Variants in ADAM19 observed in about 807,000 individuals in gnomAD.
ADAM19 encodes disintegrin and metalloproteinase domain-containing protein 19.
Under a neutral mutation model 114.7 loss-of-function variants are expected in ADAM19, and 65 were observed. The observed-to-expected ratio is 0.57, with a 90% CI of 0.46 to 0.70. The LOEUF is 0.70. Ranked by LOEUF, ADAM19 falls within the 30% of genes least tolerant of loss-of-function variation. The pLI, the probability that ADAM19 is intolerant of heterozygous loss-of-function variation, is 0.00. For missense variants in ADAM19, 1,063 were observed against 1,204.7 expected (o/e 0.88, Z 1.74); for synonymous variants, 466 against 460.5 (o/e 1.01, Z -0.15).
chr5:157,573,301 G>A (rs1486301343), intron 1 of ADAM19, among the ~76,000 whole-genome samples: 2 of 152,156 alleles, frequency 1.3e-5, no homozygotes, highest in Non-Finnish European at 2.9e-5. Context: ...TTGTTTAACA[G>A]ACTCACCCAT....
chr5:157,525,261 G>A (rs186758821), intron 5 of ADAM19, among the ~76,000 whole-genome samples: 1 of 152,282 alleles, frequency 6.6e-6, no homozygotes, highest in Non-Finnish European at 1.5e-5. Flanking sequence ...CAGAAGGAAG[G>A]CAAGGAATTC....
intron 4 of ADAM19, among the ~76,000 whole-genome samples, chr5:157,536,872 C>G (rs1395986550): frequency 2.6e-5 from 4 of 152,240 alleles, no homozygotes; most frequent in Admixed American, 1.3e-4. Context: ...AACTCCCAGT[C>G]TGTGTGCCTC....
rs55867903 is a variant in ADAM19 at position 157,498,688 on chromosome 5, G to GTATATATATATA, written c.1398+873_1398+884dup. On this transcript the variant is annotated intron_variant, in intron 13 of 22. Coordinates refer to ENST00000257527, the MANE Select transcript of ADAM19 (RefSeq NM_033274.5). ...CATATATAATTACACATGTGTGTAT[G>GTATATATATATA]TATATATATATATATATATATATGG... 4.5e-3 allele frequency among the ~76,000 whole-genome samples: 654 copies of GTATATATATATA among 143,814 alleles called. 12 individuals carry two copies. The East Asian group carries it at 0.055, about 12-fold the overall frequency. 94.3% of individuals were successfully genotyped at this position (143,814 alleles called of 152,430 possible).
intron 4 of ADAM19, among the ~76,000 whole-genome samples, chr5:157,531,344 G>C (rs1422833560): frequency 6.6e-6 from 1 of 152,170 alleles, no homozygotes; most frequent in Non-Finnish European, 1.5e-5. Flanking sequence ...TTTGGAAATA[G>C]GGTCTTGCAG....
At chr5:157,510,242 A>C (rs1455358826) in intron 8 of ADAM19, among the ~76,000 whole-genome samples, 3 of 152,158 alleles carry the variant, frequency 2.0e-5, no homozygotes, top group Admixed American at 2.0e-4. Context: ...TGGGAGGCTA[A>C]GGTGGATGGA....
chr5:157,553,890 C>T (rs773526044), intron 3 of ADAM19, among the ~76,000 whole-genome samples: 5 of 152,090 alleles, frequency 3.3e-5, no homozygotes, highest in African/African-American at 7.2e-5. Context: ...ATATAAAGTA[C>T]GATACCATGC....
At chr5:157,513,645 AC>A in intron 7 of ADAM19, 140 bp from the exon 8 acceptor site, 1 of 728,742 alleles carries the variant, frequency 1.4e-6, no homozygotes, top group Non-Finnish European at 2.4e-6. Flanking sequence ...TGTCTTCCCC[AC>A]CACAGTAAGA....
In ADAM19 at chr5:157,477,597, C is replaced by A; in HGVS notation, c.*3352G>T. 7.9e-7 allele frequency: 1 copy of A among 1,271,718 alleles called. No homozygotes were observed. Among genetic ancestry groups the A allele is most frequent in the South Asian group, 1.3e-5 (1 of 79,372 alleles). The allele number at this position is 1,271,718 out of a possible 1,614,324, so 78.8% of individuals were successfully genotyped here. On this transcript the variant is annotated 3_prime_UTR_variant, in exon 23 of 23. Coordinates refer to ENST00000257527, the MANE Select transcript of ADAM19 (RefSeq NM_033274.5). ...TACAGAACCTCTCCTTCGCAGGCTC[C>A]CCTGGGGAAGGGGACCTTTCCAGTT... is the stretch of plus-strand genomic sequence containing the variant.
intron 3 of ADAM19, among the ~76,000 whole-genome samples, chr5:157,542,804 C>G (rs1160277072): frequency 6.6e-6 from 1 of 152,156 alleles, no homozygotes; most frequent in Non-Finnish European, 1.5e-5. Flanking sequence ...GATTCTGTCT[C>G]AAAACATTAA....
intron 9 of ADAM19, among the ~76,000 whole-genome samples, chr5:157,507,546 T>G (rs1221650733): frequency 6.6e-6 from 1 of 152,208 alleles, no homozygotes; most frequent in African/African-American, 2.4e-5. Context: ...TTCCACCAGC[T>G]GCCGGGATCC....
intron 12 of ADAM19, among the ~76,000 whole-genome samples, 177 bp downstream of exon 12, chr5:157,502,626 C>T (rs942626244): frequency 5.9e-5 from 9 of 152,296 alleles, no homozygotes; most frequent in South Asian, 2.1e-4. Context: ...CTAGCAGAGG[C>T]GGCACAAACA....
Position 157,509,396 on chromosome 5 carries a change from T to G in ADAM19, c.810A>C (p.Glu270Asp). 1 of 1,613,424 alleles carries G rather than the reference T, an allele frequency of 6.2e-7. No individual in the cohort carries two copies. The highest frequency in any genetic ancestry group is 1.6e-4 in the Middle Eastern group (1 of 6,062). The change falls in exon 9 of 23, where the codon GAA becomes GAC. Residue 270 changes from glutamate to aspartate, a missense_variant. Physicochemically the swap from Glu to Asp is conservative, Grantham distance 45. Coordinates refer to ENST00000257527, the MANE Select transcript of ADAM19 (RefSeq NM_033274.5). ...GGGTAGAATATGGATTCTCTGAAAC[T>G]TCACACATGTTCCCGTGGGTCCACA... ...LEVWTHGNMCEVSENPYSTLW... is the reference protein window; with the variant it reads ...LEVWTHGNMCDVSENPYSTLW...
chr5:157,527,357 C>T (rs10476074), intron 5 of ADAM19, among the ~76,000 whole-genome samples: 51,964 of 151,770 alleles, frequency 0.34, 9,434 homozygotes, highest in African/African-American at 0.46. Context: ...ACTACAGGTG[C>T]CCACCACCAC....
At chr5:157,501,976 G>A (rs1347055706) in intron 12 of ADAM19, among the ~76,000 whole-genome samples, 1 of 152,168 alleles carries the variant, frequency 6.6e-6, no homozygotes, top group East Asian at 1.9e-4. Flanking sequence ...AGAATCGCTT[G>A]AACCCTGGAG....
chr5:157,481,098 T>C, intron 22 of ADAM19, 96 bp from the exon 23 acceptor site: 2 of 1,511,598 alleles, frequency 1.3e-6, no homozygotes. Context: ...GAAGGAAGGA[T>C]GGACCACCCA....
chr5:157,516,438 T>C (rs538052284), intron 7 of ADAM19, among the ~76,000 whole-genome samples: 1 of 152,324 alleles, frequency 6.6e-6, no homozygotes, highest in Admixed American at 6.5e-5. Flanking sequence ...GCTGTGACTC[T>C]GGAGGTCAGG....
At chr5:157,494,519 A>G (rs1755286866) in intron 15 of ADAM19, among the ~76,000 whole-genome samples, 168 bp downstream of exon 15, 1 of 152,192 alleles carries the variant, frequency 6.6e-6, no homozygotes, top group African/African-American at 2.4e-5. Flanking sequence ...CTCAGAGCTG[A>G]AAAGTGCATT....
chr5:157,555,418 C>A (rs773261113), intron 3 of ADAM19, among the ~76,000 whole-genome samples: 1 of 152,156 alleles, frequency 6.6e-6, no homozygotes, highest in Non-Finnish European at 1.5e-5. Context: ...GAACATGACC[C>A]GGAACTTGGG....
intron 9 of ADAM19, among the ~76,000 whole-genome samples, chr5:157,507,779 T>C (rs2113723616): frequency 6.6e-6 from 1 of 152,298 alleles, no homozygotes; most frequent in East Asian, 1.9e-4. Flanking sequence ...CAAGCTTCAT[T>C]TTCCCCAGTT....
Sources: gnomAD v4.1 joint callset for allele counts (sites outside exome capture counted in the v4.1 genomes callset) on GRCh38, gnomAD v4.1.1 for gene constraint, MANE v1.5 for transcripts, NCBI Gene and HGNC (gene_info 2026-07-23, HGNC 2026-07-21) for gene names.